Variants in GREB1L observed in about 807,000 individuals in gnomAD.
GREB1L encodes GREB1-like protein.
A neutral mutation model predicts 200.8 loss-of-function variants in GREB1L; 17 were observed. The ratio of observed to expected loss-of-function variants is 0.08; its 90% CI spans 0.06 to 0.13. GREB1L has a LOEUF of 0.13. GREB1L is among the 10% of genes least tolerant of loss of function. The pLI is 1.00. For missense variants in GREB1L, 1,657 were observed against 2,367.7 expected (o/e 0.70, Z 6.23); for synonymous variants, 789 against 893.0 (o/e 0.88, Z 2.08).
At chr18:21,284,718 G>A (rs1442081892) in intron 1 of GREB1L, among the ~76,000 whole-genome samples, 1 of 152,164 alleles carries the variant, frequency 6.6e-6, no homozygotes, top group Non-Finnish European at 1.5e-5. Flanking sequence ...GGGTCATGTG[G>A]TAACTCTATG....
chr18:21,457,253 A>G lies in GREB1L; in HGVS notation c.2182+2690A>G, dbSNP rs555353673. On this transcript the variant is annotated intron_variant, in intron 15 of 32. Transcript: ENST00000424526. The stretch of plus-strand genomic sequence containing the variant: ...TCAAAAAGGTACCAGAATTTGACCA[A>G]TTATGTAAGCTTAGAATCCAGAAAA... Among the ~76,000 whole-genome samples, 11 of 151,768 alleles carry G rather than the reference A, an allele frequency of 7.2e-5. No individual in the cohort carries two copies. The South Asian group carries it at 1.5e-3, about 20-fold the overall frequency.
At chr18:21,333,826 T>G (rs1363356397) in intron 1 of GREB1L, among the ~76,000 whole-genome samples, 1 of 150,926 alleles carries the variant, frequency 6.6e-6, no homozygotes, top group Non-Finnish European at 1.5e-5. Context: ...TACAAAAAAT[T>G]TAAAAATTAG....
At chr18:21,333,675 CA>C (rs36089817) in intron 1 of GREB1L, among the ~76,000 whole-genome samples, 22,125 of 108,658 alleles carry the variant, frequency 0.2, 3,544 homozygotes, top group African/African-American at 0.47. Flanking sequence ...AACTCTGTCT[CA>C]AAAAAAAAAA....
At chr18:21,344,505 C>T (rs1189248248) in intron 1 of GREB1L, among the ~76,000 whole-genome samples, 1 of 152,204 alleles carries the variant, frequency 6.6e-6, no homozygotes, top group Non-Finnish European at 1.5e-5. Flanking sequence ...AATCTGATCT[C>T]ACAGATGTTG....
chr18:21,427,889 G>A (rs1301759765), intron 7 of GREB1L, among the ~76,000 whole-genome samples: 7 of 152,052 alleles, frequency 4.6e-5, no homozygotes, highest in Non-Finnish European at 7.4e-5. Context: ...AAATAGAAGC[G>A]GCAAGAGTGG....
intron 1 of GREB1L, among the ~76,000 whole-genome samples, chr18:21,292,487 GA>G (rs779911714): frequency 3.3e-5 from 5 of 152,146 alleles, no homozygotes; most frequent in Non-Finnish European, 7.4e-5. Context: ...ACCCCCAAAA[GA>G]AACCCCGTAC....
chr18:21,282,584 A>G (rs1450300973), intron 1 of GREB1L, among the ~76,000 whole-genome samples: 2 of 152,066 alleles, frequency 1.3e-5, no homozygotes, highest in East Asian at 3.9e-4. Flanking sequence ...TTGCAAAAGT[A>G]ACTGTGGGTT....
intron 1 of GREB1L, among the ~76,000 whole-genome samples, chr18:21,358,646 G>A (rs2039540449): frequency 6.6e-6 from 1 of 152,170 alleles, no homozygotes; most frequent in African/African-American, 2.4e-5. Context: ...GCTAAGCTGT[G>A]AGGACACAAA....
intron 5 of GREB1L, among the ~76,000 whole-genome samples, chr18:21,400,604 A>G (rs1283861106): frequency 1.3e-5 from 2 of 152,180 alleles, no homozygotes; most frequent in East Asian, 1.9e-4. Flanking sequence ...CTAAAACCTT[A>G]CAAATCCAGG....
At chr18:21,307,606 A>G (rs2038721292) in intron 1 of GREB1L, among the ~76,000 whole-genome samples, 1 of 152,148 alleles carries the variant, frequency 6.6e-6, no homozygotes, top group African/African-American at 2.4e-5. Flanking sequence ...TGTTGAAGAT[A>G]TCTTCCTTTT....
chr18:21,456,790 C>T (rs2034784545), intron 15 of GREB1L, among the ~76,000 whole-genome samples: 1 of 152,162 alleles, frequency 6.6e-6, no homozygotes, highest in African/African-American at 2.4e-5. Flanking sequence ...CTCTCAGCTA[C>T]CGGCTTCTTT....
chr18:21,337,771 G>A (rs1366324951), intron 1 of GREB1L, among the ~76,000 whole-genome samples: 1 of 151,844 alleles, frequency 6.6e-6, no homozygotes, highest in South Asian at 2.1e-4. Context: ...TAGATCACGG[G>A]ATCAGGAGAT....
chr18:21,274,270 G>A (rs1166240194), intron 1 of GREB1L, among the ~76,000 whole-genome samples: 1 of 152,070 alleles, frequency 6.6e-6, no homozygotes, highest in East Asian at 1.9e-4. Context: ...CTTATGACCT[G>A]ATTACCTCCC....
Position 21,449,806 on chromosome 18 carries a change from A to C in GREB1L, c.1690A>C (p.Arg564=). ...YVVVICASKI[R]GNEFCVVVLG... ...GGTGGTAATTTGTGCATCGAAAATC[A>C]GAGGAAATGAATTTTGTGTGGTAGT... The change falls in exon 12 of 33, where the codon AGA becomes CGA. Residue 564 remains arginine, a synonymous_variant. Coordinates refer to ENST00000424526, the MANE Select transcript of GREB1L (RefSeq NM_001142966.3). 7 of 1,540,334 alleles carry C rather than the reference A, an allele frequency of 4.5e-6. No individual in the cohort carries two copies. The highest frequency in any genetic ancestry group is 6.1e-6 in the Non-Finnish European group (7 of 1,139,446).
rs1598861768 is a variant in GREB1L at position 21,450,748 on chromosome 18, CAT to C, written c.1721-274_1721-273del. 2.2e-5 allele frequency: 6 copies of C among 275,796 alleles called. No individual in the cohort carries two copies. In the East Asian group the frequency reaches 4.9e-4, roughly 22 times the overall value. 17.1% of individuals were successfully genotyped at this position (275,796 alleles called of 1,614,324 possible). On this transcript the variant is annotated intron_variant, in intron 12 of 32. Transcript: ENST00000424526. ...GGCGGGGACAGGGACCTTCCTTAGT[CAT>C]TAAACACAAACGTGCATATTTTCAG...
chr18:21,260,501 A>G (rs1245257022), intron 1 of GREB1L, among the ~76,000 whole-genome samples: 1 of 151,982 alleles, frequency 6.6e-6, no homozygotes, highest in Non-Finnish European at 1.5e-5. Flanking sequence ...AAAAATCTTA[A>G]GTTAGCCTGC....
At chr18:21,310,233 A>C (rs1468029423) in intron 1 of GREB1L, among the ~76,000 whole-genome samples, 2 of 152,200 alleles carry the variant, frequency 1.3e-5, no homozygotes, top group African/African-American at 4.8e-5. Flanking sequence ...AACTGAGAGA[A>C]GAGAGGACCG....
chr18:21,397,541 A>AAAT (rs1555637995), intron 5 of GREB1L, among the ~76,000 whole-genome samples: 3,120 of 125,966 alleles, frequency 0.025, 203 homozygotes, highest in African/African-American at 0.088. Flanking sequence ...AAAAAAAAAA[A>AAAT]AATAATAATA....
chr18:21,298,234 G>A (rs1043247139), intron 1 of GREB1L, among the ~76,000 whole-genome samples: 4 of 152,198 alleles, frequency 2.6e-5, no homozygotes, highest in East Asian at 1.9e-4. Flanking sequence ...TTCACTGTGC[G>A]TCCACATTCA....
Sources: gnomAD v4.1 joint callset for allele counts (sites outside exome capture counted in the v4.1 genomes callset) on GRCh38, gnomAD v4.1.1 for gene constraint, MANE v1.5 for transcripts, NCBI Gene and HGNC (gene_info 2026-07-23, HGNC 2026-07-21) for gene names.